The following ENTPD1 variants were observed in gnomAD, a reference collection of about 807,000 sequenced individuals.
ENTPD1 encodes the protein ectonucleoside triphosphate diphosphohydrolase 1, also known as ATP diphosphohydrolase.
A neutral mutation model predicts 57.0 loss-of-function variants in ENTPD1; 33 were observed. The ratio of observed to expected loss-of-function variants is 0.58; its 90% CI spans 0.44 to 0.77. ENTPD1 has a LOEUF of 0.77. Ranked by LOEUF, ENTPD1 falls within the 30% of genes least tolerant of loss-of-function variation. The probability of loss-of-function intolerance (pLI) is 0.00; values close to 1 mark genes in which losing one functional copy is unlikely to be tolerated. For missense variants in ENTPD1, 501 were observed against 603.4 expected (o/e 0.83, Z 1.78); for synonymous variants, 202 against 218.8 (o/e 0.92, Z 0.68).
At chr10:95,732,928 C>T (rs145465567) in intron 1 of ENTPD1, among the ~76,000 whole-genome samples, 2,283 of 152,068 alleles carry the variant, frequency 0.015, 28 homozygotes, top group Middle Eastern at 0.044. Context: ...AGGACGGGGG[C>T]GAAATTAAAA....
At position 95,866,033 on chromosome 10, in the gene ENTPD1, G is replaced by A. The variant is rs574398385; in HGVS notation, c.1327-144G>A. 1.0e-5 allele frequency: 12 copies of A among 1,194,790 alleles called. No homozygotes were observed. The African/African-American group carries it at 1.5e-4, about 15-fold the overall frequency. 74.0% of individuals were successfully genotyped at this position (1,194,790 alleles called of 1,614,324 possible). On this transcript the variant is annotated intron_variant, in intron 9 of 9. Transcript: ENST00000371205. ...TCCCTCCTTGGCCTCCCAAAGTGCT[G>A]AGATTACAGGCATGAGCCACTGTGC...
intron 1 of ENTPD1, among the ~76,000 whole-genome samples, chr10:95,820,972 A>T (rs1016444181): frequency 5.9e-5 from 9 of 152,268 alleles, no homozygotes; most frequent in African/African-American, 2.2e-4. Flanking sequence ...GTTAACAAGT[A>T]GACCTTGTTG....
Position 95,819,321 on chromosome 10 carries a change from G to A in ENTPD1, c.17-3916G>A, listed in dbSNP as rs537122350. Among the ~76,000 whole-genome samples the A allele has an allele frequency of 1.4e-4, 22 of 152,010 alleles. No homozygotes were observed. In the East Asian group the frequency reaches 3.5e-3, roughly 24 times the overall value. On this transcript the variant is annotated intron_variant, in intron 1 of 9. Transcript: ENST00000371205. ...TGGGACTACAGGCATATGCCACCAC[G>A]CCTGGCTAATTTTTGTATTTTTTTT... is the stretch of plus-strand genomic sequence containing the variant.
intron 1 of ENTPD1, among the ~76,000 whole-genome samples, chr10:95,786,519 G>A (rs749824606): frequency 6.6e-6 from 1 of 152,160 alleles, no homozygotes; most frequent in Non-Finnish European, 1.5e-5. Context: ...GAACCCTGGT[G>A]TTAGAATCTG....
chr10:95,708,403 A>G (rs1836019712), upstream of ENTPD1, among the ~76,000 whole-genome samples: 2 of 151,934 alleles, frequency 1.3e-5, no homozygotes, highest in South Asian at 2.1e-4. Flanking sequence ...TAGTAGAGAC[A>G]GGGTTTCACT....
intron 2 of ENTPD1, among the ~76,000 whole-genome samples, chr10:95,826,245 T>C (rs1005982012): frequency 4.0e-5 from 6 of 151,894 alleles, no homozygotes; most frequent in African/African-American, 2.4e-5. Flanking sequence ...TGAAGAATGA[T>C]TGGAAGTTAG....
intron 1 of ENTPD1, among the ~76,000 whole-genome samples, chr10:95,797,223 C>T (rs190691629): frequency 1.4e-4 from 22 of 152,094 alleles, no homozygotes; most frequent in Admixed American, 3.3e-4. Context: ...GCCAATTATG[C>T]GAAAAGATTA....
At chr10:95,829,030 C>G (rs1039058623) in intron 2 of ENTPD1, among the ~76,000 whole-genome samples, 1 of 152,086 alleles carries the variant, frequency 6.6e-6, no homozygotes, top group East Asian at 1.9e-4. Context: ...TTATAGATAA[C>G]AAAATCAAAG....
chr10:95,809,525 G>GT (rs2098290214), intron 1 of ENTPD1, among the ~76,000 whole-genome samples: 1 of 143,256 alleles, frequency 7.0e-6, no homozygotes, highest in Non-Finnish European at 1.5e-5. Context: ...GGCAGATGCT[G>GT]GGCAGAGGCG....
intron 1 of ENTPD1, among the ~76,000 whole-genome samples, chr10:95,723,414 T>G (rs1933172): frequency 0.5 from 75,543 of 151,774 alleles, 19,300 homozygotes; most frequent in East Asian, 0.74. Flanking sequence ...TGCCCATGTC[T>G]AGAGCTGTAT....
chr10:95,852,256 C>T (rs554833082), intron 7 of ENTPD1, among the ~76,000 whole-genome samples: 13 of 152,266 alleles, frequency 8.5e-5, no homozygotes, highest in African/African-American at 2.2e-4. Flanking sequence ...TCAGGTCCTT[C>T]GCCCACTTTG....
At chr10:95,757,817 C>T (rs1158549036) in intron 1 of ENTPD1, among the ~76,000 whole-genome samples, 2 of 151,442 alleles carry the variant, frequency 1.3e-5, no homozygotes, top group Non-Finnish European at 2.9e-5. Context: ...CCGGCCTGGC[C>T]AACATGATGA....
In ENTPD1 at chr10:95,869,526, A is replaced by G. The variant is rs1423278973; in HGVS notation, c.*3143A>G. 2.1e-5 allele frequency: 21 copies of G among 984,428 alleles called. No individual in the cohort carries two copies. The highest frequency in any genetic ancestry group is 2.4e-5 in the Non-Finnish European group (20 of 829,204). 61.0% of individuals were successfully genotyped at this position (984,428 alleles called of 1,614,324 possible). On this transcript the variant is annotated 3_prime_UTR_variant, in exon 10 of 10. Transcript: ENST00000371205. ...CGGGCTCCCAAAGTGCTGGGATTAC[A>G]GGAGTGAGCCACCATGCCTGGCCAG...
chr10:95,743,997 C>CATAT (rs57187898), intron 1 of ENTPD1, among the ~76,000 whole-genome samples: 8,326 of 79,884 alleles, frequency 0.1, 711 homozygotes, highest in Non-Finnish European at 0.12. Context: ...TATTTTAAAC[C>CATAT]ATATATATAT....
chr10:95,874,550 A>ATCTACTATTCTGGGG lies in ENTPD1; in HGVS notation c.*8172_*8173insTATTCTGGGGTCTAC, dbSNP rs2098483839. On this transcript the variant is annotated 3_prime_UTR_variant, in exon 10 of 10. Transcript: ENST00000371205. ...GGCACAAGATGCAAGTTGGTGGTTG[A>ATCTACTATTCTGGGG]TCTACCATTCTGGGGTCTACCATTC... Among the ~76,000 whole-genome samples, 1 of 152,074 alleles carries ATCTACTATTCTGGGG rather than the reference A, an allele frequency of 6.6e-6. No homozygotes were observed. Among genetic ancestry groups the ATCTACTATTCTGGGG allele is most frequent in the African/African-American group, 2.4e-5 (1 of 41,402 alleles).
chr10:95,744,114 C>T (rs1478970662), intron 1 of ENTPD1, among the ~76,000 whole-genome samples: 2 of 149,610 alleles, frequency 1.3e-5, no homozygotes, highest in African/African-American at 2.5e-5. Context: ...ATGTCTCTAA[C>T]GTTAATCCAT....
At chr10:95,773,294 C>A (rs928966911) in intron 1 of ENTPD1, among the ~76,000 whole-genome samples, 1 of 152,186 alleles carries the variant, frequency 6.6e-6, no homozygotes, top group African/African-American at 2.4e-5. Flanking sequence ...ACTCCTTGAT[C>A]CATAGACTGC....
At chr10:95,825,960 T>G in intron 2 of ENTPD1, among the ~76,000 whole-genome samples, 1 of 152,186 alleles carries the variant, frequency 6.6e-6, no homozygotes, top group East Asian at 1.9e-4. Flanking sequence ...TTTTTATAAA[T>G]TTATGCATCG....
chr10:95,719,148 A>G (rs2097974750), intron 1 of ENTPD1, among the ~76,000 whole-genome samples: 1 of 152,240 alleles, frequency 6.6e-6, no homozygotes, highest in African/African-American at 2.4e-5. Flanking sequence ...GTAAACAATG[A>G]GGCCAACCTT....
Sources: gnomAD v4.1 joint callset for allele counts (sites outside exome capture counted in the v4.1 genomes callset) on GRCh38, gnomAD v4.1.1 for gene constraint, MANE v1.5 for transcripts, NCBI Gene and HGNC (gene_info 2026-07-23, HGNC 2026-07-21) for gene names.